Variants in SCEL observed in about 807,000 individuals in gnomAD.
SCEL encodes sciellin.
A neutral mutation model predicts 117.6 loss-of-function variants in SCEL; 113 were observed. The observed-to-expected ratio is 0.96, with a 90% confidence interval of 0.83 to 1.12. The LOEUF is 1.12. Ranked by LOEUF, SCEL falls within the 50% of genes most tolerant of loss-of-function variation. The pLI is 0.00. For missense variants in SCEL, 785 were observed against 810.8 expected (o/e 0.97, Z 0.39); for synonymous variants, 270 against 256.2 (o/e 1.05, Z -0.51).
chr13:77,608,103 G>C lies in SCEL; in HGVS notation c.1205G>C (p.Arg402Thr). ...ATCAAAGTGACCCCTGAAGTAAAGA[G>C]AAGTAACCAAGGGTGAGGACTATGT... ...NLIKVTPEVK[R>T]SNQGSKDLNN... Residue 402 changes from arginine (R) to threonine (T), a missense_variant, in exon 20 of 33, where the codon AGA (arginine) becomes ACA (threonine). Arg to Thr is a moderately conservative substitution (Grantham distance 71). Coordinates refer to ENST00000349847, the MANE Select transcript of SCEL (RefSeq NM_144777.3). 1 of 1,612,854 alleles carries C rather than the reference G, an allele frequency of 6.2e-7. No homozygotes were observed. Among genetic ancestry groups the C allele is most frequent in the Non-Finnish European group, 8.5e-7 (1 of 1,179,138 alleles).
In SCEL at chr13:77,631,548, T is replaced by C. The variant is rs370601076; in HGVS notation, c.1692-2831T>C. On this transcript the variant is annotated intron_variant, in intron 28 of 32. Coordinates refer to ENST00000349847, the MANE Select transcript of SCEL (RefSeq NM_144777.3). ...TTGACAGCTCTGTTATAATTACATA[T>C]TAACCTTAAGGGAATCTGGGTGAAG... Among the ~76,000 whole-genome samples the C allele has an allele frequency of 6.4e-4, 98 of 152,334 alleles. 1 individual carries two copies. Among genetic ancestry groups the C allele is most frequent in the Middle Eastern group, 3.4e-3 (1 of 292 alleles).
chr13:77,576,314 A>G (rs1434476385), intron 9 of SCEL, among the ~76,000 whole-genome samples: 4 of 22,636 alleles, frequency 1.8e-4, no homozygotes, highest in African/African-American at 5.5e-4. Flanking sequence ...GAACCAGCAC[A>G]CTCCAACACA....
intron 12 of SCEL, among the ~76,000 whole-genome samples, chr13:77,595,737 T>C (rs982540246): frequency 2.0e-5 from 3 of 152,086 alleles, no homozygotes; most frequent in Admixed American, 6.6e-5. Context: ...GTAGTGTTTG[T>C]CACACACAAG....
intron 3 of SCEL, among the ~76,000 whole-genome samples, chr13:77,558,873 A>G (rs1446698052): frequency 6.6e-6 from 1 of 151,422 alleles, no homozygotes; most frequent in South Asian, 2.1e-4. Flanking sequence ...TTAGTAGAGC[A>G]TAACCAGGAA....
chr13:77,613,856 G>A (rs1022532859), intron 23 of SCEL, 37 bp from the exon 24 acceptor site: 1 of 1,537,648 alleles, frequency 6.5e-7, no homozygotes, highest in Middle Eastern at 1.7e-4. Context: ...AGAAATGCCA[G>A]TATGAAATTT....
chr13:77,588,000 A>G (rs1164307716), intron 9 of SCEL, among the ~76,000 whole-genome samples: 1 of 152,084 alleles, frequency 6.6e-6, no homozygotes, highest in African/African-American at 2.4e-5. Context: ...TGACAGAGAG[A>G]CCTTCCCAGT....
chr13:77,619,680 G>A lies in SCEL; in HGVS notation c.1628+1620G>A, dbSNP rs114073338. 3.5e-3 allele frequency among the ~76,000 whole-genome samples: 538 copies of A among 152,272 alleles called. 2 individuals are homozygous for A. Among genetic ancestry groups the A allele is most frequent in the African/African-American group, 0.012 (497 of 41,566 alleles). Reference sequence around the variant, plus strand: ...ACAGTGGACCCTCCTGCTGAGAATCGTACGGAAATATCTTTGTTAAGTAGA... The same window carrying A: ...ACAGTGGACCCTCCTGCTGAGAATCATACGGAAATATCTTTGTTAAGTAGA... On this transcript the variant is annotated intron_variant, in intron 27 of 32. Transcript: ENST00000349847.
chr13:77,606,466 G>A (rs915125461), intron 19 of SCEL: 41 of 152,172 alleles, frequency 2.7e-4, no homozygotes, highest in African/African-American at 9.2e-4. Flanking sequence ...AGGGAGGGTT[G>A]TAATGCTTAC....
intron 12 of SCEL, 51 bp from the exon 13 acceptor site, chr13:77,597,494 A>G: frequency 9.2e-7 from 1 of 1,085,078 alleles, no homozygotes; most frequent in Non-Finnish European, 1.4e-6. Flanking sequence ...TTACCCTTTG[A>G]CCCTGGGCAA....
intron 28 of SCEL, among the ~76,000 whole-genome samples, chr13:77,631,962 T>C (rs1222223203): frequency 2.0e-5 from 3 of 152,212 alleles, no homozygotes; most frequent in Non-Finnish European, 4.4e-5. Flanking sequence ...CCTCTCTTAC[T>C]GGCTTGCAGA....
chr13:77,633,414 G>A (rs1368962661), intron 28 of SCEL, among the ~76,000 whole-genome samples: 1 of 116,892 alleles, frequency 8.6e-6, no homozygotes, highest in Admixed American at 9.9e-5. Flanking sequence ...CCGCAGTCCG[G>A]CCTGGGCGAC....
chr13:77,557,129 G>T (rs2084704981), intron 3 of SCEL, among the ~76,000 whole-genome samples: 1 of 152,124 alleles, frequency 6.6e-6, no homozygotes, highest in Non-Finnish European at 1.5e-5. Context: ...ATAAAATTTT[G>T]GTATGTACAA....
At chr13:77,537,193 A>G (rs2154392663) in intron 1 of SCEL, among the ~76,000 whole-genome samples, 1 of 152,366 alleles carries the variant, frequency 6.6e-6, no homozygotes, top group African/African-American at 2.4e-5. Context: ...TTGGAATGTT[A>G]GCGTCGTATA....
intron 1 of SCEL, among the ~76,000 whole-genome samples, chr13:77,544,602 AGAG>A (rs1209086257): frequency 1.3e-5 from 2 of 152,178 alleles, no homozygotes; most frequent in Non-Finnish European, 2.9e-5. Flanking sequence ...CATTGGGACA[AGAG>A]GAGCTGGGGC....
intron 28 of SCEL, among the ~76,000 whole-genome samples, chr13:77,630,685 T>C (rs568373658): frequency 6.6e-6 from 1 of 152,314 alleles, no homozygotes; most frequent in South Asian, 2.1e-4. Context: ...ATTTTCAAGG[T>C]GAATTTACAC....
At chr13:77,572,228 G>C in intron 9 of SCEL, 39 bp downstream of exon 9, 1 of 1,456,530 alleles carries the variant, frequency 6.9e-7, no homozygotes, top group Non-Finnish European at 9.6e-7. Flanking sequence ...TGTGCCATTA[G>C]ATGGAAGAAC....
chr13:77,618,232 G>T (rs1389580269), intron 27 of SCEL, among the ~76,000 whole-genome samples, 172 bp downstream of exon 27: 2 of 151,534 alleles, frequency 1.3e-5, no homozygotes, highest in Non-Finnish European at 2.9e-5. Context: ...CCAGGCTGGG[G>T]CACAGTAGCA....
chr13:77,563,757 T>C, intron 4 of SCEL, 74 bp from the exon 5 acceptor site: 1 of 1,109,054 alleles, frequency 9.0e-7, no homozygotes. Context: ...TTGCCATATG[T>C]ATGATAGGTT....
intron 24 of SCEL, 29 bp from the exon 25 acceptor site, chr13:77,617,570 A>T (rs1210587210): frequency 2.2e-6 from 3 of 1,358,334 alleles, no homozygotes; most frequent in Middle Eastern, 2.0e-4. Context: ...CTCTAACCCA[A>T]GTTGCTTTAA....
Sources: gnomAD v4.1 joint callset for allele counts (sites outside exome capture counted in the v4.1 genomes callset) on GRCh38, gnomAD v4.1.1 for gene constraint, MANE v1.5 for transcripts, NCBI Gene and HGNC (gene_info 2026-07-23, HGNC 2026-07-21) for gene names.